Variants in ADAMTSL3 observed in about 807,000 individuals in gnomAD.
ADAMTSL3 encodes ADAMTS like 3, also known as ADAMTS-like protein 3.
In ADAMTSL3, 128 loss-of-function variants were observed where a neutral mutation model predicts 201.7. The observed-to-expected ratio is 0.63, with a 90% CI of 0.55 to 0.73. The LOEUF (loss-of-function observed/expected upper bound fraction) is 0.73, where lower values mean the gene tolerates loss of function less well. Among genes scored for constraint, ADAMTSL3 ranks in the 30% least tolerant of loss-of-function variants. The pLI is 0.00. For synonymous variants in ADAMTSL3, 738 were observed against 748.4 expected (o/e 0.99, Z 0.23); for missense variants, 1,990 against 2,119.6 (o/e 0.94, Z 1.20).
At chr15:83,819,167 G>A (rs74792621) in intron 5 of ADAMTSL3, among the ~76,000 whole-genome samples, 1 of 151,684 alleles carries the variant, frequency 6.6e-6, no homozygotes. Context: ...CTACTCAGGG[G>A]GGCTGAAGCA....
At chr15:83,920,723 C>T (rs538405119) in intron 16 of ADAMTSL3, among the ~76,000 whole-genome samples, 8 of 152,130 alleles carry the variant, frequency 5.3e-5, no homozygotes, top group South Asian at 2.1e-4. Context: ...CTTTTTTCCT[C>T]GTATAGGTTT....
chr15:83,948,570 A>AT (rs2066700845), intron 19 of ADAMTSL3, among the ~76,000 whole-genome samples: 1 of 152,060 alleles, frequency 6.6e-6, no homozygotes, highest in Admixed American at 6.6e-5. Flanking sequence ...TCCTTAAGAC[A>AT]TTTTTTATCT....
chr15:83,774,937 C>T (rs868723025), intron 4 of ADAMTSL3, among the ~76,000 whole-genome samples: 2 of 151,734 alleles, frequency 1.3e-5, no homozygotes, highest in Non-Finnish European at 2.9e-5. Context: ...ACCTCTGTCT[C>T]CCAGGTTCAC....
intron 10 of ADAMTSL3, among the ~76,000 whole-genome samples, chr15:83,886,655 C>G (rs2141874620): frequency 6.6e-6 from 1 of 152,316 alleles, no homozygotes; most frequent in East Asian, 1.9e-4. Context: ...CCTTCTCCAG[C>G]CCAGCCTAGC....
intron 20 of ADAMTSL3, among the ~76,000 whole-genome samples, chr15:83,974,289 G>A (rs565779519): frequency 6.6e-6 from 1 of 152,340 alleles, no homozygotes; most frequent in East Asian, 1.9e-4. Flanking sequence ...CACTGAGCAA[G>A]TTATTTAACC....
chr15:83,811,704 A>C (rs2063700953), intron 5 of ADAMTSL3, among the ~76,000 whole-genome samples: 1 of 152,212 alleles, frequency 6.6e-6, no homozygotes, highest in African/African-American at 2.4e-5. Flanking sequence ...GGGGTAGAGT[A>C]GGAAGGAGGT....
chr15:83,842,573 T>C (rs1234151144), intron 7 of ADAMTSL3, among the ~76,000 whole-genome samples: 1 of 152,218 alleles, frequency 6.6e-6, no homozygotes, highest in Non-Finnish European at 1.5e-5. Context: ...ACCTCTTACA[T>C]ACTTTAAGTG....
intron 5 of ADAMTSL3, among the ~76,000 whole-genome samples, chr15:83,814,579 C>T (rs2063745137): frequency 2.0e-5 from 3 of 152,170 alleles, no homozygotes; most frequent in South Asian, 2.1e-4. Flanking sequence ...TTCACTTTTC[C>T]ACAATTCCTT....
chr15:83,712,461 TC>T (rs1344490850), intron 3 of ADAMTSL3, among the ~76,000 whole-genome samples: 48 of 152,102 alleles, frequency 3.2e-4, no homozygotes, highest in African/African-American at 1.1e-3. Flanking sequence ...CTTCTTGGAG[TC>T]CCTACTGCTA....
intron 10 of ADAMTSL3, among the ~76,000 whole-genome samples, chr15:83,889,830 C>T (rs796663022): frequency 6.6e-6 from 1 of 152,178 alleles, no homozygotes; most frequent in East Asian, 1.9e-4. Flanking sequence ...ATTTTGGCCA[C>T]GCATTTTAGT....
chr15:83,908,881 G>T (rs1236931784), intron 15 of ADAMTSL3, among the ~76,000 whole-genome samples: 1 of 152,202 alleles, frequency 6.6e-6, no homozygotes, highest in South Asian at 2.1e-4. Context: ...GTGTCTGTCA[G>T]TCTGAAGTCT....
intron 2 of ADAMTSL3, among the ~76,000 whole-genome samples, chr15:83,698,012 G>T (rs919406647): frequency 2.0e-5 from 3 of 151,980 alleles, no homozygotes; most frequent in Non-Finnish European, 4.4e-5. Flanking sequence ...TGAGTCAGAT[G>T]CCCCTGTCAC....
rs1197297263 is a variant in ADAMTSL3 at position 83,852,499 on chromosome 15, C to A, written c.728-6267C>A. ...ATCAATGAGCATTTAGATTTTCTCT[C>A]AGTGTTACAACAACTTTGTACTTTT... is the stretch of plus-strand genomic sequence containing the variant. On this transcript the variant is annotated intron_variant, in intron 7 of 29. Transcript: ENST00000286744. Among the ~76,000 whole-genome samples, 7 of 152,326 alleles carry A rather than the reference C, an allele frequency of 4.6e-5. No homozygotes were observed. In the East Asian group the frequency reaches 1.3e-3, roughly 29 times the overall value.
chr15:83,700,893 G>GCTAT, intron 2 of ADAMTSL3, among the ~76,000 whole-genome samples: 1 of 152,320 alleles, frequency 6.6e-6, no homozygotes, highest in Middle Eastern at 3.4e-3. Flanking sequence ...ACAGTCTAGT[G>GCTAT]CTATCTAAGC....
intron 15 of ADAMTSL3, among the ~76,000 whole-genome samples, chr15:83,910,500 AC>A (rs2065911614): frequency 7.1e-6 from 1 of 140,948 alleles, no homozygotes; most frequent in Non-Finnish European, 1.5e-5. Flanking sequence ...ACTTCTTGTT[AC>A]TTTGGACAGA....
intron 9 of ADAMTSL3, among the ~76,000 whole-genome samples, chr15:83,875,827 A>G (rs192560728): frequency 3.3e-5 from 5 of 152,196 alleles, no homozygotes; most frequent in African/African-American, 9.6e-5. Flanking sequence ...AACAATCAGG[A>G]TGTATGTGTA....
chr15:83,716,978 G>A (rs187458459), intron 3 of ADAMTSL3, among the ~76,000 whole-genome samples: 7 of 152,218 alleles, frequency 4.6e-5, no homozygotes, highest in South Asian at 4.2e-4. Flanking sequence ...TTGCTTTTGC[G>A]TTAGGTTTAC....
intron 6 of ADAMTSL3, among the ~76,000 whole-genome samples, chr15:83,831,424 G>A (rs2064155178): frequency 6.6e-6 from 1 of 152,134 alleles, no homozygotes; most frequent in African/African-American, 2.4e-5. Flanking sequence ...ACAGCCAGAG[G>A]GGATGTCAGG....
chr15:83,961,097 G>A (rs1332946926), intron 19 of ADAMTSL3, among the ~76,000 whole-genome samples: 1 of 151,996 alleles, frequency 6.6e-6, no homozygotes, highest in African/African-American at 2.4e-5. Flanking sequence ...GACAACAGAA[G>A]GAGATGGAAA....
Sources: gnomAD v4.1 joint callset for allele counts (sites outside exome capture counted in the v4.1 genomes callset) on GRCh38, gnomAD v4.1.1 for gene constraint, MANE v1.5 for transcripts, NCBI Gene and HGNC (gene_info 2026-07-23, HGNC 2026-07-21) for gene names.